The following C3orf22 variants were observed in gnomAD, a reference collection of about 807,000 sequenced individuals.
The protein encoded by C3orf22 is chromosome 3 open reading frame 22.
In C3orf22, 7 loss-of-function variants were observed where a neutral mutation model predicts 10.8. The observed-to-expected ratio is 0.65, with a 90% CI of 0.37 to 1.22. The LOEUF is 1.22. C3orf22 is among the 50% of genes most tolerant of loss of function. C3orf22 has a pLI of 0.02. For synonymous variants in C3orf22, 79 were observed against 78.9 expected (o/e 1.00, Z 0.00); for missense variants, 173 against 177.0 (o/e 0.98, Z 0.13).
Position 126,554,957 on chromosome 3 carries a change from C to T in C3orf22, c.-40-1527G>A, listed in dbSNP as rs756019686. ...GGAAATGCCCTAGGTCCGTGCTGTC[C>T]GAGACGGCAGCTGCTGGCTACATGA... On this transcript the variant is annotated intron_variant, in intron 1 of 3. Transcript: ENST00000318225. Among the ~76,000 whole-genome samples, 8 of 152,274 alleles carry T rather than the reference C, an allele frequency of 5.3e-5. No individual in the cohort carries two copies. The South Asian group carries it at 1.7e-3, about 32-fold the overall frequency.
intron 4 of C3orf22, among the ~76,000 whole-genome samples, chr3:126,529,788 CCT>C (rs1269889030): frequency 1.3e-5 from 2 of 152,198 alleles, no homozygotes; most frequent in African/African-American, 2.4e-5. Context: ...CCTTCTCTCC[CCT>C]GTCTCCCTAA....
In C3orf22 at chr3:126,549,996, G is replaced by C. The variant is rs1243556010; in HGVS notation, c.298C>G (p.Leu100Val). Residue 100 changes from leucine (L) to valine (V), a missense_variant, in exon 4 of 4, where the codon CTT becomes GTT. Leu to Val is a conservative substitution (Grantham distance 32). Transcript: ENST00000318225. ...PAPSPPPLCN[L>V]WELKLLSRRF... ...CGACTCAGCAACTTGAGTTCCCAAA[G>C]GTTGCACAGTGGAGGTGGTGATGGT... 2 of 1,614,148 alleles carry C rather than the reference G, an allele frequency of 1.2e-6. No homozygotes were observed. Among genetic ancestry groups the C allele is most frequent in the East Asian group, 4.5e-5 (2 of 44,864 alleles).
intron 4 of C3orf22, chr3:126,529,393 G>A (rs934051222): frequency 3.1e-6 from 4 of 1,289,196 alleles, no homozygotes; most frequent in Admixed American, 4.6e-5. Context: ...CGCAAGGGGG[G>A]ACAGGTGTCA....
chr3:126,540,984 G>A (rs1936945843), intron 4 of C3orf22, among the ~76,000 whole-genome samples: 1 of 152,212 alleles, frequency 6.6e-6, no homozygotes, highest in African/African-American at 2.4e-5. Context: ...TAATCTTGGA[G>A]ATAAGAACCC....
chr3:126,536,914 CA>C (rs1936807161), intron 4 of C3orf22, among the ~76,000 whole-genome samples: 1 of 151,426 alleles, frequency 6.6e-6, no homozygotes, highest in African/African-American at 2.4e-5. Flanking sequence ...CACACACACA[CA>C]CACACACACC....
intron 4 of C3orf22, among the ~76,000 whole-genome samples, chr3:126,529,782 C>G (rs9871908): frequency 0.1 from 15,628 of 152,194 alleles, 915 homozygotes; most frequent in African/African-American, 0.16. Context: ...TGTCCCCCTT[C>G]TCTCCCCTGT....
At chr3:126,529,463 C>T (rs886733387) in intron 4 of C3orf22, 21 of 1,164,930 alleles carry the variant, frequency 1.8e-5, no homozygotes, top group South Asian at 9.8e-5. Context: ...ATGCTGGCAC[C>T]GGTGGCCTGG....
intron 4 of C3orf22, among the ~76,000 whole-genome samples, chr3:126,536,896 AACACACACACACAC>A (rs10670471): frequency 7.1e-6 from 1 of 140,400 alleles, no homozygotes; most frequent in Non-Finnish European, 1.6e-5. Context: ...CACACACACA[AACACACACACACAC>A]ACACACACAC....
chr3:126,538,557 G>T (rs769395841), intron 4 of C3orf22, among the ~76,000 whole-genome samples: 1 of 152,238 alleles, frequency 6.6e-6, no homozygotes, highest in African/African-American at 2.4e-5. Context: ...AGCCGGGGTC[G>T]GCCAGCAAGG....
downstream of C3orf22, among the ~76,000 whole-genome samples, chr3:126,548,517 C>T (rs191547417): frequency 3.9e-5 from 6 of 152,360 alleles, no homozygotes; most frequent in Admixed American, 3.3e-4. Context: ...GAAGCTTATA[C>T]AGTCCAAATG....
At chr3:126,527,728 T>C (rs1455262024) in exon 6 of C3orf22, 2 of 152,272 alleles carry the variant, frequency 1.3e-5, no homozygotes, top group Non-Finnish European at 2.9e-5. Flanking sequence ...AAGTGGCTGC[T>C]GGAGCCAAAT....
chr3:126,528,597 G>C (rs1397005805), intron 5 of C3orf22, among the ~76,000 whole-genome samples: 4 of 152,134 alleles, frequency 2.6e-5, no homozygotes, highest in Non-Finnish European at 5.9e-5. Context: ...GTTCCAGGGA[G>C]AGCCCTGGGG....
chr3:126,551,666 G>T (rs906195761), intron 3 of C3orf22, among the ~76,000 whole-genome samples: 22 of 152,180 alleles, frequency 1.4e-4, no homozygotes, highest in African/African-American at 5.3e-4. Context: ...GAAGCTCCTG[G>T]CTCCTTCCCT....
At chr3:126,535,593 G>A (rs1465894354) in intron 4 of C3orf22, among the ~76,000 whole-genome samples, 1 of 151,684 alleles carries the variant, frequency 6.6e-6, no homozygotes, top group Non-Finnish European at 1.5e-5. Flanking sequence ...TTCCTCAGTC[G>A]GGAGACAGCC....
intron 4 of C3orf22, chr3:126,541,943 G>A (rs775760466): frequency 8.2e-6 from 13 of 1,589,060 alleles, no homozygotes; most frequent in African/African-American, 4.1e-5. Context: ...GAGCGGCCAA[G>A]CCCGCGGCGA....
intron 4 of C3orf22, chr3:126,542,074 G>A: frequency 6.3e-7 from 1 of 1,584,228 alleles, no homozygotes; most frequent in Admixed American, 1.7e-5. Flanking sequence ...TGTTCGTGCG[G>A]GAGCCCTTCG....
At chr3:126,532,266 T>G (rs1450769725) in intron 4 of C3orf22, among the ~76,000 whole-genome samples, 1 of 152,262 alleles carries the variant, frequency 6.6e-6, no homozygotes, top group Non-Finnish European at 1.5e-5. Flanking sequence ...TTTTTAATAT[T>G]GATGTAGTTC....
intron 4 of C3orf22, among the ~76,000 whole-genome samples, chr3:126,539,266 C>T (rs1268348665): frequency 1.3e-5 from 2 of 152,112 alleles, no homozygotes; most frequent in African/African-American, 4.8e-5. Context: ...AATAATAAGT[C>T]TCCCTCCACC....
intron 4 of C3orf22, chr3:126,542,514 A>T: frequency 6.4e-7 from 1 of 1,566,546 alleles, no homozygotes; most frequent in Admixed American, 2.0e-5. Flanking sequence ...CGCCTCTTCG[A>T]CCTCTACAAG....
Sources: allele counts gnomAD v4.1 joint callset (sites outside exome capture counted in the v4.1 genomes callset), GRCh38; gene constraint gnomAD v4.1.1; transcripts MANE v1.5; gene names NCBI Gene and HGNC (gene_info 2026-07-23, HGNC 2026-07-21).